Variants in ERICH1 observed in about 807,000 individuals in gnomAD.
ERICH1 encodes the protein glutamate-rich protein 1.
A neutral mutation model predicts 39.6 loss-of-function variants in ERICH1; 56 were observed. That is an observed-to-expected ratio of 1.41 (90% CI 1.14 to 1.77). ERICH1 has a LOEUF of 1.77. ERICH1 is among the 40% of genes most tolerant of loss of function. The probability of loss-of-function intolerance (pLI) is 0.00; values close to 1 mark genes in which losing one functional copy is unlikely to be tolerated. For synonymous variants in ERICH1, 313 were observed against 223.6 expected, an observed-to-expected ratio of 1.40 and a Z score of -3.57; for missense variants, 826 against 575.4, an observed-to-expected ratio of 1.44 and a Z score of -4.45.
intron 3 of ERICH1, among the ~76,000 whole-genome samples, chr8:633,282 CG>C (rs951965351): frequency 6.6e-6 from 1 of 152,144 alleles, no homozygotes; most frequent in African/African-American, 2.4e-5. Context: ...CAGCTAAAAA[CG>C]TGTATTGCAG....
intron 3 of ERICH1, among the ~76,000 whole-genome samples, chr8:635,625 T>A (rs1798371883): frequency 6.6e-6 from 1 of 152,160 alleles, no homozygotes; most frequent in Non-Finnish European, 1.5e-5. Context: ...GCGGGATGTG[T>A]CCAGGGACTC....
At chr8:631,387 G>C (rs1288807098) in intron 3 of ERICH1, among the ~76,000 whole-genome samples, 2 of 152,230 alleles carry the variant, frequency 1.3e-5, no homozygotes, top group Admixed American at 6.5e-5. Flanking sequence ...TACTCAGAGA[G>C]AGGTGTGCGG....
intron 3 of ERICH1, among the ~76,000 whole-genome samples, chr8:623,556 G>T (rs1197832629): frequency 1.3e-5 from 2 of 152,166 alleles, no homozygotes; most frequent in Non-Finnish European, 2.9e-5. Context: ...TATACAATAG[G>T]ATGTTTTCAT....
At chr8:626,718 C>A in intron 3 of ERICH1, 1 of 176,752 alleles carries the variant, frequency 5.7e-6, no homozygotes. Flanking sequence ...GCGTCTGTCT[C>A]TCATCGCGAT....
chr8:715,828 C>T (rs1815827005), intron 2 of ERICH1, 33 bp downstream of exon 2: 1 of 1,584,324 alleles, frequency 6.3e-7, no homozygotes, highest in Non-Finnish European at 8.6e-7. Flanking sequence ...ACTTCAGTTT[C>T]TGAGACCCAC....
chr8:624,793 C>G (rs988844917), intron 3 of ERICH1, among the ~76,000 whole-genome samples: 4 of 152,096 alleles, frequency 2.6e-5, no homozygotes, highest in Non-Finnish European at 5.9e-5. Context: ...GTGGCACGAT[C>G]TCGGCTCACT....
At chr8:650,196 G>T (rs1315086329) in intron 3 of ERICH1, among the ~76,000 whole-genome samples, 1 of 152,228 alleles carries the variant, frequency 6.6e-6, no homozygotes, top group Admixed American at 6.5e-5. Context: ...TCTGCACTCA[G>T]GAGCTGCGTC....
chr8:629,496 GCTA>G lies in ERICH1; in HGVS notation c.977-14215_977-14213del, dbSNP rs1797817289. ...CCACACAGACAGAGCTGACTCACACGCTACTGTGACCACCCACAGAGACAGAGC... is the reference window on the plus strand; with the variant it reads ...CCACACAGACAGAGCTGACTCACACGCTGTGACCACCCACAGAGACAGAGC... On this transcript the variant is annotated intron_variant, in intron 3 of 3. Coordinates refer to the ERICH1 transcript ENST00000522706. Among the ~76,000 whole-genome samples the G allele has an allele frequency of 1.6e-4, 4 of 25,232 alleles. No homozygotes were observed. In the South Asian group the frequency reaches 4.4e-3, roughly 28 times the overall value. 16.6% of individuals were successfully genotyped at this position (25,232 alleles called of 152,430 possible). A position where few individuals can be genotyped will look rare whatever the true frequency, so the allele number is the denominator to read the frequency against.
intron 1 of ERICH1, among the ~76,000 whole-genome samples, chr8:719,654 G>A (rs908255980): frequency 4.6e-5 from 7 of 152,198 alleles, no homozygotes; most frequent in African/African-American, 1.7e-4. Flanking sequence ...GGTGGCAGAC[G>A]TCGCTGTGGG....
At chr8:698,112 G>A (rs961807088) in intron 2 of ERICH1, among the ~76,000 whole-genome samples, 28 of 152,230 alleles carry the variant, frequency 1.8e-4, no homozygotes, top group Admixed American at 8.5e-4. Context: ...CCCGTGCAGG[G>A]GTTGTGGATC....
chr8:641,869 G>T (rs928428328), intron 3 of ERICH1, among the ~76,000 whole-genome samples: 9 of 152,324 alleles, frequency 5.9e-5, no homozygotes, highest in Middle Eastern at 3.4e-3. Context: ...CGGTGCCTCT[G>T]GCCGTATGCA....
At chr8:683,896 C>A (rs909344233) in intron 3 of ERICH1, among the ~76,000 whole-genome samples, 1 of 152,164 alleles carries the variant, frequency 6.6e-6, no homozygotes, top group East Asian at 1.9e-4. Flanking sequence ...AGATTAGTTC[C>A]TGAATTCTTC....
chr8:627,028 CT>C (rs1290027743), intron 3 of ERICH1: 2 of 441,160 alleles, frequency 4.5e-6, no homozygotes, highest in African/African-American at 4.0e-5. Context: ...GTGTCCGACA[CT>C]CCCTTCTGTC....
At chr8:688,383 GCAGGCTCCAGAGGCGCC>G (rs1294113709) in intron 3 of ERICH1, among the ~76,000 whole-genome samples, 36 of 58,536 alleles carry the variant, frequency 6.2e-4, no homozygotes, top group African/African-American at 2.1e-3. Context: ...CGGTCCCTCC[GCAGGCTCCAGAGGCGCC>G]CAGGCTCCGC....
chr8:634,168 C>CAAAAAA (rs56687918), intron 3 of ERICH1, among the ~76,000 whole-genome samples: 4 of 92,006 alleles, frequency 4.3e-5, no homozygotes, highest in South Asian at 3.4e-4. Context: ...TCCTAAAACT[C>CAAAAAA]AAAAAAAAAA....
chr8:630,034 C>A (rs1363826259), intron 3 of ERICH1, among the ~76,000 whole-genome samples: 25 of 114,350 alleles, frequency 2.2e-4, no homozygotes, highest in Admixed American at 8.2e-4. Flanking sequence ...CACACCCTCC[C>A]GTGACCACCC....
chr8:658,276 G>A (rs1262744536), intron 3 of ERICH1, among the ~76,000 whole-genome samples: 1 of 152,172 alleles, frequency 6.6e-6, no homozygotes, highest in Non-Finnish European at 1.5e-5. Context: ...TGACTGGGGA[G>A]AGAGGCTGGT....
intron 3 of ERICH1, among the ~76,000 whole-genome samples, chr8:643,989 G>A (rs780917936): frequency 5.4e-4 from 82 of 152,372 alleles, no homozygotes; most frequent in Admixed American, 1.8e-3. Context: ...GGGCGGGGGC[G>A]GCTCTGCAGG....
intron 3 of ERICH1, among the ~76,000 whole-genome samples, chr8:686,195 C>G (rs1807323062): frequency 6.6e-6 from 1 of 151,988 alleles, no homozygotes; most frequent in Non-Finnish European, 1.5e-5. Context: ...CTTTTTTTCT[C>G]AGATACTCTT....
Sources: gnomAD v4.1 joint callset for allele counts (sites outside exome capture counted in the v4.1 genomes callset) on GRCh38, gnomAD v4.1.1 for gene constraint, MANE v1.5 for transcripts, NCBI Gene and HGNC (gene_info 2026-07-23, HGNC 2026-07-21) for gene names.